VIPR1: variants seen among roughly 807,000 people sequenced by gnomAD.
VIPR1 encodes the protein vasoactive intestinal peptide receptor 1, also known as vasoactive intestinal polypeptide receptor 1.
Under a neutral mutation model 58.8 loss-of-function variants are expected in VIPR1, and 59 were observed. The ratio of observed to expected loss-of-function variants is 1.00; its 90% CI spans 0.81 to 1.25. VIPR1 has a LOEUF of 1.25. Ranked by LOEUF, VIPR1 falls within the 50% of genes most tolerant of loss-of-function variation. The pLI is 0.00. For missense variants in VIPR1, 626 were observed against 602.7 expected (o/e 1.04, Z -0.40); for synonymous variants, 251 against 242.1 (o/e 1.04, Z -0.34).
chr3:42,535,276 AG>A (rs1251391402), intron 11 of VIPR1, 66 bp from the exon 12 acceptor site: 2 of 1,356,076 alleles, frequency 1.5e-6, no homozygotes, highest in African/African-American at 1.5e-5. Context: ...GGCTGGAGCC[AG>A]GGGTGGGGCA....
rs546971930 is a variant in VIPR1, at chr3:42,536,902, C to T, written c.*621C>T. On this transcript the variant is annotated 3_prime_UTR_variant, in exon 13 of 13. Coordinates refer to ENST00000325123, the MANE Select transcript of VIPR1 (RefSeq NM_004624.4). ...GCACACCTATCTTAGTGGTTCCCCA[C>T]CGAAGTGGACTGGCCCCTGGGTCAG... 1 of 152,218 alleles carries T rather than the reference C, an allele frequency of 6.6e-6. No individual in the cohort carries two copies. The highest frequency in any genetic ancestry group is 2.4e-5 in the African/African-American group (1 of 41,432). The allele number at this position is 152,218 out of a possible 1,614,324, so 9.4% of individuals were successfully genotyped here.
At chr3:42,513,714 C>T (rs562495184) in intron 1 of VIPR1, 35 bp from the exon 2 acceptor site, 4 of 1,547,904 alleles carry the variant, frequency 2.6e-6, no homozygotes, top group South Asian at 2.4e-5. Context: ...AGTCTATGGA[C>T]GAGGCTGATG....
intron 1 of VIPR1, chr3:42,512,910 C>G: frequency 1.0e-6 from 1 of 985,514 alleles, no homozygotes; most frequent in South Asian, 4.7e-5. Flanking sequence ...TCTGGCTATT[C>G]CTAGACAGCC....
At chr3:42,529,375 T>C (rs957532664) in intron 6 of VIPR1, 3 of 140,568 alleles carry the variant, frequency 2.1e-5, no homozygotes, top group Non-Finnish European at 4.5e-5. Context: ...TGAGGCAGAA[T>C]AATCGTTTGA....
intron 1 of VIPR1, among the ~76,000 whole-genome samples, chr3:42,491,898 A>C (rs1358418213): frequency 6.6e-6 from 1 of 152,182 alleles, no homozygotes; most frequent in Non-Finnish European, 1.5e-5. Flanking sequence ...AACAAACAAT[A>C]ATACTACTCA....
chr3:42,536,925 C>T lies in VIPR1; in HGVS notation c.*644C>T, dbSNP rs1701888568. 1 of 152,208 alleles carries T rather than the reference C, an allele frequency of 6.6e-6. No individual in the cohort carries two copies. The highest frequency in any genetic ancestry group is 1.5e-5 in the Non-Finnish European group (1 of 68,052). The allele number at this position is 152,208 out of a possible 1,614,324, so 9.4% of individuals were successfully genotyped here. A position where few individuals can be genotyped will look rare whatever the true frequency, so the allele number is the denominator to read the frequency against. ...CACCGAAGTGGACTGGCCCCTGGGT[C>T]AGTCTGGTGGGAGGACGGTGCAACC... is the stretch of plus-strand genomic sequence containing the variant. On this transcript the variant is annotated 3_prime_UTR_variant, in exon 13 of 13. Coordinates refer to ENST00000325123, the MANE Select transcript of VIPR1 (RefSeq NM_004624.4).
Position 42,494,833 on chromosome 3 carries a change from T to C in VIPR1, c.-245+5155T>C, listed in dbSNP as rs576820109. Among the ~76,000 whole-genome samples, 36 of 152,330 alleles carry C rather than the reference T, an allele frequency of 2.4e-4. 1 individual carries two copies. Among genetic ancestry groups the C allele is most frequent in the African/African-American group, 8.4e-4 (35 of 41,600 alleles). ...CTAATTTTATCTTTCTTGTTTATTATCAGTGCAATTAAGGCTACAAATTTT... is the reference window on the plus strand; with the variant it reads ...CTAATTTTATCTTTCTTGTTTATTACCAGTGCAATTAAGGCTACAAATTTT... On this transcript the variant is annotated intron_variant, in intron 1 of 13. Coordinates refer to the VIPR1 transcript ENST00000433647.
intron 1 of VIPR1, among the ~76,000 whole-genome samples, chr3:42,493,497 C>T (rs73067240): frequency 0.037 from 5,595 of 152,268 alleles, 130 homozygotes; most frequent in Middle Eastern, 0.15. Flanking sequence ...TCCCTAGAGG[C>T]CTTTATGCTG....
chr3:42,527,868 G>C, intron 5 of VIPR1, 123 bp from the exon 6 acceptor site: 1 of 1,368,154 alleles, frequency 7.3e-7, no homozygotes, highest in Non-Finnish European at 1.0e-6. Flanking sequence ...CCTTTGAGGC[G>C]GGGCCTGCCC....
chr3:42,518,632 G>A (rs561767001), intron 2 of VIPR1, among the ~76,000 whole-genome samples: 78 of 152,268 alleles, frequency 5.1e-4, no homozygotes, highest in African/African-American at 9.1e-4. Flanking sequence ...CCAGCTACTC[G>A]GGAGGCTGAG....
At chr3:42,525,817 C>A in intron 3 of VIPR1, 70 bp from the exon 4 acceptor site, 1 of 1,456,814 alleles carries the variant, frequency 6.9e-7, no homozygotes, top group South Asian at 1.3e-5. Context: ...CTGCCTTGTT[C>A]CAAGCAGAGA....
At chr3:42,490,768 T>G (rs1432642952) in intron 1 of VIPR1, among the ~76,000 whole-genome samples, 1 of 151,656 alleles carries the variant, frequency 6.6e-6, no homozygotes, top group Non-Finnish European at 1.5e-5. Context: ...GGACTGGCAT[T>G]GAGAAGAGAG....
At chr3:42,531,040 C>G in intron 7 of VIPR1, 108 bp downstream of exon 7, 1 of 1,376,410 alleles carries the variant, frequency 7.3e-7, no homozygotes, top group Non-Finnish European at 9.9e-7. Context: ...TCTTGCTTAG[C>G]TGCAGGTCCT....
At chr3:42,521,188 C>G (rs1377469352) in intron 3 of VIPR1, 1 of 152,270 alleles carries the variant, frequency 6.6e-6, no homozygotes, top group African/African-American at 2.4e-5. Context: ...TCTAGCTAAC[C>G]CTGAGGCTGC....
chr3:42,499,716 A>G (rs931144479), upstream of VIPR1, among the ~76,000 whole-genome samples: 1 of 151,976 alleles, frequency 6.6e-6, no homozygotes, highest in African/African-American at 2.4e-5. Context: ...GGGTGGGGAG[A>G]TTGGGACCAC....
At chr3:42,490,187 G>A (rs1699641158) in intron 1 of VIPR1, among the ~76,000 whole-genome samples, 1 of 152,250 alleles carries the variant, frequency 6.6e-6, no homozygotes, top group South Asian at 2.1e-4. Context: ...GGACAGACAG[G>A]CCTACCCCCA....
intron 1 of VIPR1, among the ~76,000 whole-genome samples, chr3:42,496,670 A>G (rs545005145): frequency 1.4e-4 from 22 of 152,340 alleles, no homozygotes; most frequent in Non-Finnish European, 2.2e-4. Context: ...TGGTCTAACA[A>G]TATGAATTAT....
At chr3:42,500,155 G>A (rs911139444), upstream of VIPR1, 2 of 152,194 alleles carry the variant, frequency 1.3e-5, no homozygotes, top group East Asian at 3.8e-4. Flanking sequence ...ACTCCCTTCC[G>A]GGGAGCAAGG....
At chr3:42,514,541 C>CCACACACACACACACACA (rs111610459) in intron 2 of VIPR1, among the ~76,000 whole-genome samples, 5 of 144,080 alleles carry the variant, frequency 3.5e-5, no homozygotes, top group African/African-American at 1.0e-4. Context: ...GATAGTGACA[C>CCACACACACACACACACA]CACACACACA....
Sources: gnomAD v4.1 joint callset for allele counts (sites outside exome capture counted in the v4.1 genomes callset) on GRCh38, gnomAD v4.1.1 for gene constraint, MANE v1.5 for transcripts, NCBI Gene and HGNC (gene_info 2026-07-23, HGNC 2026-07-21) for gene names.